The following DOCK1 variants were observed in gnomAD, a reference collection of about 807,000 sequenced individuals.
The protein encoded by DOCK1 is dedicator of cytokinesis 1, also known as dedicator of cytokinesis protein 1.
Under a neutral mutation model 262.7 loss-of-function variants are expected in DOCK1, and 138 were observed. That is an observed-to-expected ratio of 0.53 (90% CI 0.46 to 0.61). The LOEUF (loss-of-function observed/expected upper bound fraction) is 0.61, where lower values mean the gene tolerates loss of function less well. Among genes scored for constraint, DOCK1 ranks in the 20% least tolerant of loss-of-function variants. The probability of loss-of-function intolerance (pLI) is 0.00; values close to 1 mark genes in which losing one functional copy is unlikely to be tolerated. For missense variants in DOCK1, 1,908 were observed against 2,370.7 expected (o/e 0.80, Z 4.05); for synonymous variants, 866 against 867.4 (o/e 1.00, Z 0.03).
intron 27 of DOCK1, among the ~76,000 whole-genome samples, chr10:127,149,346 G>A (rs902704701): frequency 1.3e-5 from 2 of 152,174 alleles, no homozygotes; most frequent in Non-Finnish European, 1.5e-5. Context: ...TTCGCTTGTC[G>A]TACTGGTGGT....
chr10:127,099,979 G>C (rs949177745), intron 23 of DOCK1, among the ~76,000 whole-genome samples: 3 of 152,102 alleles, frequency 2.0e-5, no homozygotes, highest in Non-Finnish European at 4.4e-5. Context: ...AGAGGGGCCT[G>C]GCCCACCTGG....
intron 27 of DOCK1, among the ~76,000 whole-genome samples, chr10:127,151,391 G>A (rs893669073): frequency 6.6e-6 from 1 of 152,164 alleles, no homozygotes; most frequent in Non-Finnish European, 1.5e-5. Context: ...GGGACCAAAA[G>A]CCTTCCAGTG....
chr10:127,424,230 AG>A (rs1448751527), intron 46 of DOCK1, among the ~76,000 whole-genome samples: 2 of 152,194 alleles, frequency 1.3e-5, no homozygotes, highest in African/African-American at 2.4e-5. Context: ...CATCAACGTC[AG>A]GAACTGCTGA....
intron 38 of DOCK1, among the ~76,000 whole-genome samples, chr10:127,397,384 TC>T (rs1303730188): frequency 6.6e-6 from 1 of 151,230 alleles, no homozygotes; most frequent in Non-Finnish European, 1.5e-5. Flanking sequence ...GGGCAGTGTC[TC>T]CTATGTGATC....
intron 24 of DOCK1, among the ~76,000 whole-genome samples, chr10:127,108,455 C>T (rs554154219): frequency 6.6e-6 from 1 of 152,108 alleles, no homozygotes; most frequent in Non-Finnish European, 1.5e-5. Context: ...GGCATGATGG[C>T]GGGTGCCTGT....
At chr10:126,977,673 C>G (rs1361303454) in intron 2 of DOCK1, among the ~76,000 whole-genome samples, 2 of 152,194 alleles carry the variant, frequency 1.3e-5, no homozygotes, top group Admixed American at 6.5e-5. Context: ...TGCATCTGAA[C>G]TTCAAACTGC....
chr10:126,940,939 TC>T (rs1362481286), intron 1 of DOCK1, among the ~76,000 whole-genome samples: 2 of 152,218 alleles, frequency 1.3e-5, no homozygotes, highest in African/African-American at 4.8e-5. Context: ...CCAAGATGAT[TC>T]TTCGGAGGAT....
intron 29 of DOCK1, among the ~76,000 whole-genome samples, chr10:127,309,452 G>T (rs187359734): frequency 1.0e-4 from 15 of 146,072 alleles, no homozygotes; most frequent in Middle Eastern, 3.4e-3. Context: ...ATTAAATCCC[G>T]GTTGTCAATT....
chr10:127,247,222 C>G (rs996116681), intron 27 of DOCK1, among the ~76,000 whole-genome samples: 3 of 152,334 alleles, frequency 2.0e-5, no homozygotes, highest in Admixed American at 6.5e-5. Flanking sequence ...TTACCTTCCC[C>G]ATTCTTGATT....
At chr10:127,181,047 G>A (rs1320725897) in intron 27 of DOCK1, among the ~76,000 whole-genome samples, 3 of 152,088 alleles carry the variant, frequency 2.0e-5, no homozygotes, top group African/African-American at 7.2e-5. Context: ...ATAACCACTA[G>A]TATCAGAATA....
At chr10:127,409,289 T>C (rs2067706814) in intron 41 of DOCK1, 24 bp from the exon 42 acceptor site, 4 of 1,613,866 alleles carry the variant, frequency 2.5e-6, no homozygotes, top group Non-Finnish European at 3.4e-6. Context: ...GCTGCCTTAG[T>C]GATCCTTAAC....
In DOCK1 at chr10:127,451,493, C is replaced by T. The variant is rs774357152; in HGVS notation, c.*66C>T. The T allele has an allele frequency of 2.6e-6, 4 of 1,546,524 alleles. No individual in the cohort carries two copies. Among genetic ancestry groups the T allele is most frequent in the Non-Finnish European group, 3.5e-6 (4 of 1,146,110 alleles). On this transcript the variant is annotated 3_prime_UTR_variant, in exon 52 of 52. Coordinates refer to ENST00000623213, the MANE Select transcript of DOCK1 (RefSeq NM_001290223.2). ...ATCTCCATGCCCTCTCCTTCTGTGT[C>T]CCCTGAGTCTGCTGTTTACCTCATT...
chr10:127,395,721 G>A (rs2066785081), intron 38 of DOCK1, among the ~76,000 whole-genome samples: 1 of 152,358 alleles, frequency 6.6e-6, no homozygotes, highest in Non-Finnish European at 1.5e-5. Context: ...ATTGGGCCAG[G>A]CCTGAGCCCC....
chr10:127,157,962 C>G (rs778895507), intron 27 of DOCK1, among the ~76,000 whole-genome samples: 53 of 152,194 alleles, frequency 3.5e-4, no homozygotes, highest in Non-Finnish European at 6.0e-4. Context: ...TTATTAAGCA[C>G]GAGAGTGTTC....
rs1465742192 is a variant in DOCK1, at chr10:127,244,920, T to A, written c.2848-3088T>A. Among the ~76,000 whole-genome samples, 3 of 152,222 alleles carry A rather than the reference T, an allele frequency of 2.0e-5. No homozygotes were observed. The East Asian group carries it at 5.8e-4, about 29-fold the overall frequency. ...TTAGGAGTCATCTCCCAAATGCATT[T>A]AAAATAAATCAGTTAAAGCACAGAA... On this transcript the variant is annotated intron_variant, in intron 27 of 51. Transcript: ENST00000623213.
At chr10:126,910,372 G>T (rs1184386490) in intron 1 of DOCK1, among the ~76,000 whole-genome samples, 1 of 152,244 alleles carries the variant, frequency 6.6e-6, no homozygotes, top group African/African-American at 2.4e-5. Context: ...TGGGGAGGAA[G>T]AAATAGGCCA....
chr10:127,328,119 C>CAAAAA (rs11301683), intron 29 of DOCK1, among the ~76,000 whole-genome samples: 2 of 72,532 alleles, frequency 2.8e-5, no homozygotes, highest in Non-Finnish European at 6.0e-5. Context: ...TACAAATGGG[C>CAAAAA]AAAAAAAAAA....
intron 27 of DOCK1, among the ~76,000 whole-genome samples, chr10:127,214,156 C>T (rs2058101057): frequency 2.0e-5 from 3 of 152,050 alleles, no homozygotes; most frequent in Admixed American, 2.0e-4. Flanking sequence ...CTTTTTTTCA[C>T]TTTTAAATCA....
chr10:127,253,007 G>A (rs1057144313), intron 28 of DOCK1, among the ~76,000 whole-genome samples: 4 of 152,116 alleles, frequency 2.6e-5, no homozygotes, highest in Admixed American at 6.6e-5. Flanking sequence ...GTGACAGTGA[G>A]CATATAGAGC....
Sources: allele counts gnomAD v4.1 joint callset (sites outside exome capture counted in the v4.1 genomes callset), GRCh38; gene constraint gnomAD v4.1.1; transcripts MANE v1.5; gene names NCBI Gene and HGNC (gene_info 2026-07-23, HGNC 2026-07-21).